The following ABCC4 variants were observed in gnomAD, a reference collection of about 807,000 sequenced individuals.
ABCC4 encodes the protein ATP binding cassette subfamily C member 4 (PEL blood group).
ABCC4 carries 102 observed loss-of-function variants against 168.5 expected under a neutral mutation model. The ratio of observed to expected loss-of-function variants is 0.61; its 90% CI spans 0.52 to 0.71. The LOEUF is 0.71. Among genes scored for constraint, ABCC4 ranks in the 30% least tolerant of loss-of-function variants. The pLI is 0.00. For missense variants in ABCC4, 1,402 were observed against 1,605.8 expected (o/e 0.87, Z 2.17); for synonymous variants, 617 against 590.7 (o/e 1.04, Z -0.65).
At chr13:95,163,094 T>A (rs778203156) in intron 18 of ABCC4, 28 bp downstream of exon 18, 3 of 1,538,316 alleles carry the variant, frequency 2.0e-6, no homozygotes, top group South Asian at 2.2e-5. Flanking sequence ...CAGCCTCTCA[T>A]ACAATACACC....
chr13:95,045,707 AC>A (rs2032547608), intron 27 of ABCC4, among the ~76,000 whole-genome samples: 1 of 152,198 alleles, frequency 6.6e-6, no homozygotes. Context: ...AACTCAGGTG[AC>A]ATTTGAGAGC....
intron 14 of ABCC4, among the ~76,000 whole-genome samples, chr13:95,166,648 CTT>C (rs60532809): frequency 0.012 from 1,870 of 152,232 alleles, 26 homozygotes; most frequent in African/African-American, 0.043. Context: ...TATTGGTAGT[CTT>C]ATTACAGAAC....
chr13:95,195,268 T>C (rs2038380665), intron 8 of ABCC4, among the ~76,000 whole-genome samples: 1 of 152,250 alleles, frequency 6.6e-6, no homozygotes, highest in Non-Finnish European at 1.5e-5. Flanking sequence ...GTTGTACTTT[T>C]GTGTTACTAA....
chr13:95,176,924 T>C (rs188017211), intron 13 of ABCC4, among the ~76,000 whole-genome samples: 3 of 152,330 alleles, frequency 2.0e-5, no homozygotes, highest in East Asian at 3.9e-4. Flanking sequence ...GTTTATAGAA[T>C]ATACAGAAAA....
chr13:95,246,056 C>G (rs1039637818), intron 3 of ABCC4, among the ~76,000 whole-genome samples: 3 of 152,180 alleles, frequency 2.0e-5, no homozygotes, highest in African/African-American at 7.2e-5. Context: ...TCTCCTCTAG[C>G]AGGCCAAAGA....
chr13:95,080,354 A>G (rs2034050346), intron 21 of ABCC4, among the ~76,000 whole-genome samples: 1 of 151,930 alleles, frequency 6.6e-6, no homozygotes, highest in African/African-American at 2.4e-5. Flanking sequence ...TGACTCTTGC[A>G]AACATAAAAT....
rs1193428554 is a variant in ABCC4 at position 95,277,649 on chromosome 13, G to A, written c.74+23592C>T. 5.9e-5 allele frequency among the ~76,000 whole-genome samples: 9 copies of A among 152,064 alleles called. No individual in the cohort carries two copies. The South Asian group carries it at 1.9e-3, about 32-fold the overall frequency. The stretch of plus-strand genomic sequence containing the variant: ...TGAATGGGGGCGTTTACTCTAGATG[G>A]GTGGTCAAGGCAGAGTTTCCCAGGA... On this transcript the variant is annotated intron_variant, in intron 1 of 30. Transcript: ENST00000645237.
chr13:95,066,336 G>A (rs896246410), intron 25 of ABCC4, among the ~76,000 whole-genome samples: 3 of 152,136 alleles, frequency 2.0e-5, no homozygotes, highest in African/African-American at 4.8e-5. Flanking sequence ...TTTCTAAACA[G>A]CCATAAAATC....
rs746006291 is a variant in ABCC4 at position 95,083,171 on chromosome 13, C to G, written c.2655G>C (p.Thr885=). Residue 885 remains threonine, a synonymous_variant, in exon 21 of 31, where the codon ACG becomes ACC. Coordinates refer to ENST00000645237, the MANE Select transcript of ABCC4 (RefSeq NM_005845.5). ...FIFLRRYFLE[T]SRDVKRLEST... ...ATTCCAGGCGCTTCACATCTCTTGA[C>G]GTTTCCAAAAAATATCGCCGAAGAA... The G allele has an allele frequency of 1.1e-5, 17 of 1,613,846 alleles. No homozygotes were observed. The highest frequency in any genetic ancestry group is 1.4e-5 in the Non-Finnish European group (17 of 1,179,952).
At chr13:95,150,285 A>G (rs991979960) in intron 19 of ABCC4, among the ~76,000 whole-genome samples, 1 of 152,196 alleles carries the variant, frequency 6.6e-6, no homozygotes, top group African/African-American at 2.4e-5. Flanking sequence ...TATTTGGAAC[A>G]CTGTCTGCCT....
intron 27 of ABCC4, among the ~76,000 whole-genome samples, chr13:95,044,871 G>T (rs1476396900): frequency 6.6e-6 from 1 of 152,130 alleles, no homozygotes; most frequent in East Asian, 1.9e-4. Flanking sequence ...GTTGCCAAGG[G>T]GCTGGAGGAT....
intron 10 of ABCC4, 63 bp from the exon 11 acceptor site, chr13:95,186,955 A>C: frequency 1.4e-6 from 2 of 1,407,112 alleles, no homozygotes; most frequent in Non-Finnish European, 1.9e-6. Flanking sequence ...AAGCCACTGC[A>C]ATGCAGCCTT....
chr13:95,166,198 G>A lies in ABCC4; in HGVS notation c.1994C>T (p.Ser665Phe), dbSNP rs760115166. The change falls in exon 15 of 31, where the codon TCT becomes TTT. Residue 665 changes from serine (S) to phenylalanine (F), a missense_variant. Ser to Phe is a radical substitution (Grantham distance 155). Transcript: ENST00000645237. ...SESSVWSQQS[S>F]RPSLKDGALE... is the part of the protein sequence containing the mutation. ...AGCACCATCTTTCAAGGAGGGTCTA[G>A]AAGATTGTTGAGACCAAACCGAAGA... 6.2e-7 allele frequency: 1 copy of A among 1,614,156 alleles called. No homozygotes were observed. The highest frequency in any genetic ancestry group is 1.1e-5 in the South Asian group (1 of 91,086).
intron 19 of ABCC4, among the ~76,000 whole-genome samples, chr13:95,132,461 C>A (rs1008548468): frequency 6.6e-6 from 1 of 152,174 alleles, no homozygotes; most frequent in African/African-American, 2.4e-5. Context: ...AGTTGATCCA[C>A]CCACCTCAGC....
chr13:95,284,668 T>A lies in ABCC4; in HGVS notation c.74+16573A>T, dbSNP rs151103479. Among the ~76,000 whole-genome samples, 922 of 152,252 alleles carry A rather than the reference T, an allele frequency of 6.1e-3. 10 individuals carry two copies. The highest frequency in any genetic ancestry group is 0.021 in the African/African-American group (875 of 41,548). On this transcript the variant is annotated intron_variant, in intron 1 of 30. Transcript: ENST00000645237. ...GACTCAAAAATGTATATGGTTTGACTCCCACTGGAACATAAGCCCCTTAGG... is the reference window on the plus strand; with the variant it reads ...GACTCAAAAATGTATATGGTTTGACACCCACTGGAACATAAGCCCCTTAGG...
intron 8 of ABCC4, among the ~76,000 whole-genome samples, chr13:95,198,583 T>C (rs9561807): frequency 0.31 from 47,689 of 152,026 alleles, 7,522 homozygotes; most frequent in Admixed American, 0.35. Flanking sequence ...AGAAATACCA[T>C]TGGACCCAGC....
intron 1 of ABCC4, among the ~76,000 whole-genome samples, chr13:95,253,177 T>C (rs2040310109): frequency 6.6e-6 from 1 of 152,176 alleles, no homozygotes; most frequent in Non-Finnish European, 1.5e-5. Flanking sequence ...CCCCGGGCTT[T>C]CTCCAAAACA....
At position 95,152,666 on chromosome 13, in the gene ABCC4, C is replaced by A. The variant is rs1414432000; in HGVS notation, c.2455+8523G>T. ...GGAAAACAAAATGTCACAACCTCAG[C>A]GTTGTAAATATTCTGATTTTTTTTC... On this transcript the variant is annotated intron_variant, in intron 19 of 30. Transcript: ENST00000645237. Among the ~76,000 whole-genome samples, 4 of 151,960 alleles carry A rather than the reference C, an allele frequency of 2.6e-5. No homozygotes were observed. In the East Asian group the frequency reaches 7.7e-4, roughly 29 times the overall value.
At chr13:95,029,011 C>CA in intron 30 of ABCC4, among the ~76,000 whole-genome samples, 1 of 151,328 alleles carries the variant, frequency 6.6e-6, no homozygotes, top group East Asian at 1.9e-4. Context: ...ACTAAAAATA[C>CA]AAAAAAATTA....
Sources: gnomAD v4.1 joint callset for allele counts (sites outside exome capture counted in the v4.1 genomes callset) on GRCh38, gnomAD v4.1.1 for gene constraint, MANE v1.5 for transcripts, NCBI Gene and HGNC (gene_info 2026-07-23, HGNC 2026-07-21) for gene names.